SEPTIN3: variants seen among roughly 807,000 people sequenced by gnomAD.
The protein encoded by SEPTIN3 is septin 3.
A neutral mutation model predicts 45.1 loss-of-function variants in SEPTIN3; 15 were observed. The ratio of observed to expected loss-of-function variants is 0.33; its 90% confidence interval spans 0.22 to 0.51. The LOEUF is 0.51. Among genes scored for constraint, SEPTIN3 ranks in the 20% least tolerant of loss-of-function variants. SEPTIN3 has a pLI of 0.97. For synonymous variants in SEPTIN3, 148 were observed against 164.8 expected (o/e 0.90, Z 0.78); for missense variants, 289 against 457.2 (o/e 0.63, Z 3.35).
At position 41,994,232 on chromosome 22, in the gene SEPTIN3, GGT is replaced by G; in HGVS notation, c.2360-55_2360-54del. 3.9e-6 allele frequency: 6 copies of G among 1,538,118 alleles called. No individual in the cohort carries two copies. Among genetic ancestry groups the G allele is most frequent in the Non-Finnish European group, 5.4e-6 (6 of 1,115,864 alleles). On this transcript the variant is annotated intron_variant, in intron 9 of 11. Coordinates refer to ENST00000644076, the MANE Select transcript of SEPTIN3 (RefSeq NM_001363845.2). This position sits in a 1 kb window ranked among gnomAD's most constrained non-coding sequence, Gnocchi z 4.2. ...GACCCAAACAGAAGCTCACCTCCTG[GGT>G]GTTGCTGTATTAATGAACTGACTAC...
intron 3 of SEPTIN3, chr22:41,985,705 T>A: frequency 3.9e-6 from 1 of 253,636 alleles, no homozygotes; most frequent in Non-Finnish European, 7.7e-6. Context: ...ACCACGACAC[T>A]AGACATATGC....
At chr22:41,986,157 C>A (rs372436120) in intron 4 of SEPTIN3, 45 bp downstream of exon 4, 262 of 1,601,262 alleles carry the variant, frequency 1.6e-4, no homozygotes, top group South Asian at 6.8e-4. Flanking sequence ...TCAGTGAGTG[C>A]CTCTGCTGGA....
At position 41,997,041 on chromosome 22, in the gene SEPTIN3, G is replaced by C. The variant is rs1418511389; in HGVS notation, c.*74G>C. 1 of 1,608,876 alleles carries C rather than the reference G, an allele frequency of 6.2e-7. No individual in the cohort carries two copies. Among genetic ancestry groups the C allele is most frequent in the African/African-American group, 1.3e-5 (1 of 74,876 alleles). On this transcript the variant is annotated 3_prime_UTR_variant, in exon 12 of 12. Transcript: ENST00000644076. ...GCTGCAGGGCCAAGCCCTTTTTAGT[G>C]CTGTGCTCGTCCAGCTCACCACCAC...
At chr22:41,989,828 A>C in intron 7 of SEPTIN3, 144 bp downstream of exon 7, 1 of 604,898 alleles carries the variant, frequency 1.7e-6, no homozygotes, top group East Asian at 2.7e-5. Flanking sequence ...CCCCTTCTTA[A>C]CCATTCAAGA....
Position 41,992,746 on chromosome 22 carries a change from C to T in SEPTIN3, c.2342C>T (p.Pro781Leu). ...NGKRVLGRKT[P>L]WGIIEVENLN... The stretch of plus-strand genomic sequence containing the variant: ...AAGAGGGTCCTCGGCCGAAAAACTC[C>T]ATGGGGGATCATCGAAGGTAATTCA... Residue 781 changes from proline to leucine, a missense_variant, in exon 9 of 12, where the codon CCA (proline) becomes CTA (leucine). Physicochemically the swap from Pro to Leu is moderately conservative, Grantham distance 98. Around this residue, in one of 3 missense-constraint regions of SEPTIN3, gnomAD observed 84 missense variants for 114.7 expected, o/e 0.73. Transcript: ENST00000644076. 1 of 1,608,946 alleles carries T rather than the reference C, an allele frequency of 6.2e-7. No homozygotes were observed. The highest frequency in any genetic ancestry group is 8.5e-7 in the Non-Finnish European group (1 of 1,176,998).
intron 6 of SEPTIN3, among the ~76,000 whole-genome samples, chr22:41,988,190 G>A (rs899901822): frequency 1.3e-5 from 2 of 152,190 alleles, no homozygotes; most frequent in Admixed American, 1.3e-4. Flanking sequence ...TTGGAGGGTA[G>A]GGACCCAGTT....
At chr22:41,983,955 G>T (rs1284366659) in intron 3 of SEPTIN3, among the ~76,000 whole-genome samples, 2 of 152,142 alleles carry the variant, frequency 1.3e-5, no homozygotes, top group East Asian at 1.9e-4. Flanking sequence ...AATAATTAAT[G>T]AATGAATGCT....
At chr22:41,979,223 C>T (rs879504435) in intron 2 of SEPTIN3, among the ~76,000 whole-genome samples, 30 of 152,124 alleles carry the variant, frequency 2.0e-4, no homozygotes, top group African/African-American at 6.8e-4. Context: ...ACCCTCTCTC[C>T]ATCAGGGTCT....
chr22:41,979,692 A>C (rs559595491), intron 2 of SEPTIN3, among the ~76,000 whole-genome samples: 413 of 152,326 alleles, frequency 2.7e-3, no homozygotes, highest in Middle Eastern at 0.01. Context: ...GGCCCTGGGG[A>C]GGTCCTGAGG....
At chr22:41,985,830 T>A (rs933018587) in intron 3 of SEPTIN3, 154 bp from the exon 4 acceptor site, 4 of 862,138 alleles carry the variant, frequency 4.6e-6, no homozygotes, top group African/African-American at 3.4e-5. Context: ...CCCACCTGCC[T>A]GCAATCCCCA....
In SEPTIN3 at chr22:41,989,572, G is replaced by A. The variant is rs777516595; in HGVS notation, c.2051G>A (p.Arg684Gln). 35 of 1,612,880 alleles carry A rather than the reference G, an allele frequency of 2.2e-5. No individual in the cohort carries two copies. Among genetic ancestry groups the A allele is most frequent in the Middle Eastern group, 1.7e-4 (1 of 6,060 alleles). The change falls in exon 7 of 12, where the codon CGA becomes CAA. Residue 684 changes from arginine (R) to glutamine (Q), a missense_variant. By Grantham distance (43) the Arg-to-Gln change is conservative. Coordinates refer to ENST00000644076, the MANE Select transcript of SEPTIN3 (RefSeq NM_001363845.2). ...YFISPTGHSLRPLDLEFMKHL... is the reference protein window; with the variant it reads ...YFISPTGHSLQPLDLEFMKHL... ...CTGCCTTTTCTGTGCCCCAGCTTGCGACCTCTGGATCTTGAGTTCATGAAA... is the reference window on the plus strand; with the variant it reads ...CTGCCTTTTCTGTGCCCCAGCTTGCAACCTCTGGATCTTGAGTTCATGAAA...
At position 41,971,485 on chromosome 22, in the gene SEPTIN3, C is replaced by T. The variant is rs1285586084; in HGVS notation, c.-8C>T. On this transcript the variant is annotated 5_prime_UTR_variant, in exon 2 of 12. In the 5' UTR this introduces an upstream ATG that the reference lacks. Transcript: ENST00000644076. ...GTTGATTGCCTCAGGGAAAGACAAA[C>T]GACCTGGATGGACCACAACTTTGCT... 9 of 399,140 alleles carry T rather than the reference C, an allele frequency of 2.3e-5. No individual in the cohort carries two copies. The highest frequency in any genetic ancestry group is 1.3e-4 in the South Asian group (1 of 7,866). The allele number at this position is 399,140 out of a possible 1,614,324, so 24.7% of individuals were successfully genotyped here.
intron 7 of SEPTIN3, 125 bp from the exon 8 acceptor site, chr22:41,991,448 G>T: frequency 1.4e-6 from 1 of 722,050 alleles, no homozygotes; most frequent in Non-Finnish European, 2.5e-6. Flanking sequence ...AGAGTTCAGA[G>T]ATGACTGTGG....
Position 41,994,193 on chromosome 22 carries a change from C to T in SEPTIN3, c.2360-97C>T. 8.7e-7 allele frequency: 1 copy of T among 1,149,740 alleles called. No individual in the cohort carries two copies. The highest frequency in any genetic ancestry group is 1.3e-6 in the Non-Finnish European group (1 of 775,384). The allele number at this position is 1,149,740 out of a possible 1,614,324, so 71.2% of individuals were successfully genotyped here. A position where few individuals can be genotyped will look rare whatever the true frequency, so the allele number is the denominator to read the frequency against. The stretch of plus-strand genomic sequence containing the variant: ...AAATGACCTGTCCCATAGCTTTCTC[C>T]TAAATGCCTCCGTGACCCAAACAGA... On this transcript the variant is annotated intron_variant, in intron 9 of 11. Transcript: ENST00000644076. The surrounding 1 kb of genome is among the most constrained non-coding windows in gnomAD (Gnocchi z 4.2).
chr22:41,997,139 A>G lies in SEPTIN3; in HGVS notation c.*172A>G. 8.0e-7 allele frequency: 1 copy of G among 1,246,276 alleles called. No homozygotes were observed. The highest frequency in any genetic ancestry group is 2.6e-5 in the East Asian group (1 of 38,750). 77.2% of individuals were successfully genotyped at this position (1,246,276 alleles called of 1,614,324 possible). On this transcript the variant is annotated 3_prime_UTR_variant, in exon 12 of 12. Transcript: ENST00000644076. Reference sequence around the variant, plus strand: ...GGCCAGTTGCATCCTCCATTTATCCAAACCACTCCTCTCCTCCCAGTGGAG... The same window carrying G: ...GGCCAGTTGCATCCTCCATTTATCCGAACCACTCCTCTCCTCCCAGTGGAG...
chr22:41,979,277 AG>A (rs1471965510), intron 2 of SEPTIN3, among the ~76,000 whole-genome samples: 1 of 152,160 alleles, frequency 6.6e-6, no homozygotes, highest in Non-Finnish European at 1.5e-5. Flanking sequence ...TTGACAGGCC[AG>A]GGCGGAGCAG....
At chr22:41,982,011 G>C in intron 3 of SEPTIN3, 175 bp downstream of exon 3, 1 of 635,386 alleles carries the variant, frequency 1.6e-6, no homozygotes, top group Non-Finnish European at 2.7e-6. Flanking sequence ...AAGACTAGCT[G>C]ACCCAGGGGT....
rs1439469174 is a variant in SEPTIN3, at chr22:41,971,464, A to G, written c.-19-10A>G. The G allele has an allele frequency of 2.5e-6, 1 of 398,634 alleles. No homozygotes were observed. The highest frequency in any genetic ancestry group is 2.1e-5 in the African/African-American group (1 of 48,522). The allele number at this position is 398,634 out of a possible 1,614,324, so 24.7% of individuals were successfully genotyped here. On this transcript the variant is annotated splice_polypyrimidine_tract_variant and intron_variant, in intron 1 of 11. Transcript: ENST00000644076. ...CCTGCCTGGCCTCTTCTCTCTGTTG[A>G]TTGCCTCAGGGAAAGACAAACGACC...
At chr22:41,970,668 C>T (rs1022247635) in intron 1 of SEPTIN3, among the ~76,000 whole-genome samples, 3 of 152,178 alleles carry the variant, frequency 2.0e-5, no homozygotes, top group African/African-American at 7.2e-5. Flanking sequence ...GCCACACTTT[C>T]TCACCTTTGG....
Sources: allele counts gnomAD v4.1 joint callset (sites outside exome capture counted in the v4.1 genomes callset), GRCh38; gene constraint gnomAD v4.1.1; regional missense constraint gnomAD v4.1.1; non-coding constraint Gnocchi (gnomAD v3.1); transcripts MANE v1.5; gene names NCBI Gene and HGNC (gene_info 2026-07-23, HGNC 2026-07-21).